DNAH14: variants seen among roughly 807,000 people sequenced by gnomAD.
DNAH14 encodes axonemal beta dynein heavy chain 14.
DNAH14 carries 478 observed loss-of-function variants against 520.9 expected under a neutral mutation model. The ratio of observed to expected loss-of-function variants is 0.92; its 90% CI spans 0.85 to 0.99. The LOEUF is 0.99. DNAH14 is among the 50% of genes least tolerant of loss of function. The pLI, the probability that DNAH14 is intolerant of heterozygous loss-of-function variation, is 0.00. For synonymous variants in DNAH14, 1,581 were observed against 1,757.2 expected (o/e 0.90, Z 2.51); for missense variants, 4,831 against 5,234.5 (o/e 0.92, Z 2.38).
chr1:225,253,092 T>A (rs2092613242), intron 44 of DNAH14, among the ~76,000 whole-genome samples: 1 of 152,210 alleles, frequency 6.6e-6, no homozygotes, highest in African/African-American at 2.4e-5. Flanking sequence ...CAACCAGAGC[T>A]ATCAGAATGC....
At chr1:225,161,217 C>T (rs926561761) in intron 35 of DNAH14, among the ~76,000 whole-genome samples, 2 of 152,090 alleles carry the variant, frequency 1.3e-5, no homozygotes, top group Non-Finnish European at 2.9e-5. Context: ...TCTGTGTCTC[C>T]GTAAGTTTAA....
intron 37 of DNAH14, among the ~76,000 whole-genome samples, chr1:225,185,885 T>C (rs186389557): frequency 1.3e-3 from 198 of 151,338 alleles, no homozygotes; most frequent in African/African-American, 4.7e-3. Flanking sequence ...TGATATTTGA[T>C]CTTGGTCACT....
At chr1:225,062,486 T>G (rs1438245955) in intron 17 of DNAH14, among the ~76,000 whole-genome samples, 1 of 152,012 alleles carries the variant, frequency 6.6e-6, no homozygotes, top group Non-Finnish European at 1.5e-5. Context: ...GGAACTGGCC[T>G]CAATAAGTTG....
At chr1:225,124,293 C>T (rs948302515) in intron 27 of DNAH14, among the ~76,000 whole-genome samples, 2 of 152,206 alleles carry the variant, frequency 1.3e-5, no homozygotes, top group Non-Finnish European at 1.5e-5. Context: ...AAGTTTGCCA[C>T]ATGGCTTGAC....
At chr1:225,126,663 T>A (rs905538163) in intron 27 of DNAH14, among the ~76,000 whole-genome samples, 11 of 152,180 alleles carry the variant, frequency 7.2e-5, no homozygotes, top group Middle Eastern at 3.2e-3. Flanking sequence ...AACCAGCTCC[T>A]GGATTCATTA....
chr1:225,054,820 G>T (rs188039877), intron 17 of DNAH14, among the ~76,000 whole-genome samples: 3 of 151,772 alleles, frequency 2.0e-5, no homozygotes, highest in African/African-American at 7.3e-5. Flanking sequence ...ATTTTTGCCC[G>T]TTGCTTTATT....
At chr1:225,308,835 C>T (rs560941461) in intron 60 of DNAH14, among the ~76,000 whole-genome samples, 4 of 152,198 alleles carry the variant, frequency 2.6e-5, no homozygotes, top group Non-Finnish European at 5.9e-5. Context: ...ACATTCCAGT[C>T]GGGTTCTTAG....
intron 22 of DNAH14, among the ~76,000 whole-genome samples, chr1:225,100,165 T>C (rs1336452665): frequency 6.6e-6 from 1 of 152,092 alleles, no homozygotes; most frequent in Admixed American, 6.6e-5. Flanking sequence ...AAAGGAAAAT[T>C]TATACACCAA....
At chr1:225,051,382 A>AAT in intron 16 of DNAH14, 69 bp from the exon 17 acceptor site, 1 of 1,108,610 alleles carries the variant, frequency 9.0e-7, no homozygotes, top group Non-Finnish European at 1.2e-6. Flanking sequence ...AGAAACTATT[A>AAT]GCATGCCAAA....
chr1:224,975,298 A>G (rs532352586), intron 8 of DNAH14, among the ~76,000 whole-genome samples: 1 of 152,300 alleles, frequency 6.6e-6, no homozygotes, highest in East Asian at 1.9e-4. Flanking sequence ...TTCAGAAGGA[A>G]TAGTACCAGT....
At position 225,360,742 on chromosome 1, in the gene DNAH14, T is replaced by C; in HGVS notation, c.11838T>C (p.His3946=). The C allele has an allele frequency of 1.9e-6, 3 of 1,551,752 alleles. No individual in the cohort carries two copies. Among genetic ancestry groups the C allele is most frequent in the Non-Finnish European group, 2.6e-6 (3 of 1,146,986 alleles). ...FAQELKGTTH[H]VTIISLGRDQ... ...AAGAGTTAAAAGGAACAACACATCA[T>C]GTGACCATAATTTCTCTGGGCCGTG... is the stretch of plus-strand genomic sequence containing the variant. Residue 3946 remains histidine (H), a synonymous_variant, in exon 75 of 86, where the codon CAT becomes CAC. Coordinates refer to ENST00000682510, the MANE Select transcript of DNAH14 (RefSeq NM_001367479.1).
intron 45 of DNAH14, among the ~76,000 whole-genome samples, chr1:225,258,869 T>G (rs182810449): frequency 6.6e-6 from 1 of 152,284 alleles, no homozygotes; most frequent in East Asian, 1.9e-4. Flanking sequence ...AGCATGAACA[T>G]TAGATAAAAA....
At chr1:225,025,747 A>G (rs1199632050) in intron 11 of DNAH14, among the ~76,000 whole-genome samples, 2 of 152,146 alleles carry the variant, frequency 1.3e-5, no homozygotes, top group Non-Finnish European at 2.9e-5. Context: ...CAATTTTCTC[A>G]TCTATAAAAT....
intron 66 of DNAH14, among the ~76,000 whole-genome samples, chr1:225,334,910 A>ATG (rs2094883860): frequency 1.1e-5 from 1 of 90,116 alleles, no homozygotes. Context: ...GTGTGTGTGT[A>ATG]TATGTATATG....
chr1:225,103,869 G>A (rs1219092882), intron 23 of DNAH14, among the ~76,000 whole-genome samples: 1 of 151,996 alleles, frequency 6.6e-6, no homozygotes, highest in African/African-American at 2.4e-5. Flanking sequence ...TTTCCTAATT[G>A]AATACCCTTT....
chr1:225,119,619 C>G (rs926643770), intron 26 of DNAH14, among the ~76,000 whole-genome samples: 1 of 152,130 alleles, frequency 6.6e-6, no homozygotes, highest in African/African-American at 2.4e-5. Context: ...CAGTAGGGCT[C>G]CCGTTTGAGC....
chr1:225,357,667 TA>T (rs1202857420), intron 73 of DNAH14: 8 of 551,254 alleles, frequency 1.5e-5, no homozygotes. Context: ...GAATTCAGCA[TA>T]ATGATTAAAT....
chr1:225,074,706 T>C (rs1212711967), intron 17 of DNAH14, among the ~76,000 whole-genome samples: 1 of 151,978 alleles, frequency 6.6e-6, no homozygotes. Flanking sequence ...TTTGGTAGGG[T>C]AGCTGTGCTG....
rs1485452432 is a variant in DNAH14 at position 225,023,729 on chromosome 1, G to T, written c.1222G>T (p.Val408Leu). 6.4e-7 allele frequency: 1 copy of T among 1,550,772 alleles called. No individual in the cohort carries two copies. The highest frequency in any genetic ancestry group is 8.7e-7 in the Non-Finnish European group (1 of 1,146,488). The change falls in exon 11 of 86, where the codon GTA (valine) becomes TTA (leucine). Residue 408 changes from valine to leucine, a missense_variant. Physicochemically the swap from Val to Leu is conservative, Grantham distance 32 (BLOSUM62 1). Transcript: ENST00000682510. Reference sequence around the variant, plus strand: ...TTTATTAGAAACATTTTTCAAGTTTGTAATGCTGGTTGACTACATATTTCA... The same window carrying T: ...TTTATTAGAAACATTTTTCAAGTTTTTAATGCTGGTTGACTACATATTTCA... ...RRLLETFFKF[V>L]MLVDYIFQEL...
Sources: gnomAD v4.1 joint callset for allele counts (sites outside exome capture counted in the v4.1 genomes callset) on GRCh38, gnomAD v4.1.1 for gene constraint, MANE v1.5 for transcripts, NCBI Gene and HGNC (gene_info 2026-07-23, HGNC 2026-07-21) for gene names.